The following COL13A1 variants were observed in gnomAD, a reference collection of about 807,000 sequenced individuals.
COL13A1 encodes the protein collagen type XIII alpha 1 chain.
Under a neutral mutation model 130.9 loss-of-function variants are expected in COL13A1, and 89 were observed. That is an observed-to-expected ratio of 0.68 (90% confidence interval 0.57 to 0.81). The LOEUF (loss-of-function observed/expected upper bound fraction) is 0.81, where lower values mean the gene tolerates loss of function less well. Ranked by LOEUF, COL13A1 falls within the 30% of genes least tolerant of loss-of-function variation. The pLI is 0.00. For synonymous variants in COL13A1, 402 were observed against 341.6 expected, an observed-to-expected ratio of 1.18 and a Z score of -1.95; for missense variants, 879 against 934.6, an observed-to-expected ratio of 0.94 and a Z score of 0.78.
intron 2 of COL13A1, among the ~76,000 whole-genome samples, chr10:69,824,848 C>A (rs375570163): frequency 2.0e-5 from 3 of 152,186 alleles, no homozygotes; most frequent in African/African-American, 7.2e-5. Flanking sequence ...GAGAAGGCCC[C>A]AAACTCAGGC....
chr10:69,922,639 G>T, intron 22 of COL13A1, 69 bp from the exon 23 acceptor site: 23 of 1,167,146 alleles, frequency 2.0e-5, no homozygotes, highest in Non-Finnish European at 2.8e-5. Context: ...ACACCCCATA[G>T]TGTCCCTCCA....
At chr10:69,820,495 C>T (rs546628143) in intron 1 of COL13A1, among the ~76,000 whole-genome samples, 2 of 152,338 alleles carry the variant, frequency 1.3e-5, no homozygotes, top group African/African-American at 2.4e-5. Flanking sequence ...GAGGCAGGTT[C>T]GTACAGTCCC....
At chr10:69,905,667 A>G in intron 16 of COL13A1, 120 bp from the exon 17 acceptor site, 1 of 1,086,624 alleles carries the variant, frequency 9.2e-7, no homozygotes, top group Non-Finnish European at 1.4e-6. Flanking sequence ...ATGGGTGTTG[A>G]AGGGGCAGTG....
intron 6 of COL13A1, among the ~76,000 whole-genome samples, chr10:69,878,877 T>C (rs1360999238): frequency 6.6e-6 from 1 of 152,238 alleles, no homozygotes; most frequent in African/African-American, 2.4e-5. Context: ...ACAGCAATAG[T>C]GATGAGCAGG....
intron 17 of COL13A1, among the ~76,000 whole-genome samples, chr10:69,912,835 C>T (rs2063527812): frequency 6.6e-6 from 1 of 152,190 alleles, no homozygotes; most frequent in African/African-American, 2.4e-5. Context: ...AGTAAATCGC[C>T]AATTAAGAGG....
At chr10:69,829,043 G>A (rs888949099) in intron 2 of COL13A1, among the ~76,000 whole-genome samples, 3 of 152,010 alleles carry the variant, frequency 2.0e-5, no homozygotes, top group African/African-American at 4.8e-5. Context: ...ATCCTCAAAC[G>A]GCACACAATG....
At chr10:69,943,418 G>A (rs892720434) in intron 35 of COL13A1, among the ~76,000 whole-genome samples, 2 of 152,230 alleles carry the variant, frequency 1.3e-5, no homozygotes, top group Non-Finnish European at 2.9e-5. Context: ...GGAAGATGTT[G>A]GAGGAGGCCA....
rs765091153 is a variant in COL13A1 at position 69,802,618 on chromosome 10, G to A, written c.195G>A (p.Thr65=). The A allele has an allele frequency of 6.2e-7, 1 of 1,613,146 alleles. No individual in the cohort carries two copies. The highest frequency in any genetic ancestry group is 2.2e-5 in the East Asian group (1 of 44,850). ...TCAGCCTGCTCGCCCACTTTCGGACGGCCGAGCTGCAGGCCCGGGTGCTGC... is the reference window on the plus strand; with the variant it reads ...TCAGCCTGCTCGCCCACTTTCGGACAGCCGAGCTGCAGGCCCGGGTGCTGC... ...LALSLLAHFR[T]AELQARVLRL... is the part of the protein sequence containing the mutation. Residue 65 remains threonine (T), a synonymous_variant, in exon 1 of 41, where the codon ACG becomes ACA. Transcript: ENST00000645393.
Position 69,930,187 on chromosome 10 carries a change from C to T in COL13A1, c.1530+100C>T, listed in dbSNP as rs151203234. On this transcript the variant is annotated intron_variant, in intron 29 of 40. Transcript: ENST00000645393. Reference sequence around the variant, plus strand: ...CTCTAGAATTGGCCCTGGTGTGAGCCCAGTGGGCAAGGGAAGGGGAGATGG... The same window carrying T: ...CTCTAGAATTGGCCCTGGTGTGAGCTCAGTGGGCAAGGGAAGGGGAGATGG... 2.0e-4 allele frequency: 257 copies of T among 1,306,164 alleles called. 3 individuals are homozygous for T. The East Asian group carries it at 6.2e-3, about 32-fold the overall frequency. The allele number at this position is 1,306,164 out of a possible 1,614,324, so 80.9% of individuals were successfully genotyped here.
At position 69,937,647 on chromosome 10, in the gene COL13A1, CT is replaced by C; in HGVS notation, c.1811del (p.Leu604GlnfsTer61). 1 of 1,542,468 alleles carries C rather than the reference CT, an allele frequency of 6.5e-7. No individual in the cohort carries two copies. Among genetic ancestry groups the C allele is most frequent in the Non-Finnish European group, 9.0e-7 (1 of 1,114,810 alleles). On this transcript the variant is annotated frameshift_variant, in exon 34 of 41. Transcript: ENST00000645393. LOFTEE classifies it high-confidence loss of function. The stretch of plus-strand genomic sequence containing the variant: ...CCCTTTCCTCCAGGGGGAAGCAGGA[CT>C]AGATGGAGCAAAAGGAGAGAAAGGC... Reference protein sequence around the residue: ...GVPGPKGEAGLDGAKGEKGFQ... With the variant: ...GVPGPKGEAGXDGAKGEKGFQ...
rs530072345 is a variant in COL13A1 at position 69,813,842 on chromosome 10, C to A, written c.295-8527C>A. Among the ~76,000 whole-genome samples the A allele has an allele frequency of 1.8e-4, 27 of 152,312 alleles. No individual in the cohort carries two copies. The South Asian group carries it at 3.5e-3, about 20-fold the overall frequency. On this transcript the variant is annotated intron_variant, in intron 1 of 40. Coordinates refer to ENST00000645393, the MANE Select transcript of COL13A1 (RefSeq NM_001368882.1). Reference sequence around the variant, plus strand: ...CTCCTGCAGTCCCTGGGATGTAGCCCATGGGGCCAGCACTGAGCAGCCAGG... The same window carrying A: ...CTCCTGCAGTCCCTGGGATGTAGCCAATGGGGCCAGCACTGAGCAGCCAGG...
intron 17 of COL13A1, among the ~76,000 whole-genome samples, chr10:69,914,936 A>G (rs915597576): frequency 2.6e-5 from 4 of 152,218 alleles, no homozygotes; most frequent in Admixed American, 2.0e-4. Context: ...ATGATGGGCC[A>G]CAGACCTAAG....
In COL13A1 at chr10:69,922,779, GC is replaced by G; in HGVS notation, c.1220del (p.Pro407GlnfsTer67). On this transcript the variant is annotated frameshift_variant, in exon 23 of 41. Coordinates refer to ENST00000645393, the MANE Select transcript of COL13A1 (RefSeq NM_001368882.1). LOFTEE classifies it high-confidence loss of function. ...AACCTGGCCCTCCAGGGCTCCCTGG[GC>G]CCCCAGGGCCAAAGGTGAGTGTTCC... ...GEPGPPGLPG[P>X]PGPKGEAGVD... The G allele has an allele frequency of 6.3e-7, 1 of 1,590,782 alleles. No homozygotes were observed. The highest frequency in any genetic ancestry group is 1.2e-5 in the South Asian group (1 of 86,650).
chr10:69,894,710 A>G lies in COL13A1; in HGVS notation c.657+9A>G. On this transcript the variant is annotated intron_variant, in intron 12 of 40. Transcript: ENST00000645393. ...GACAAAAAGGAGAAAAGGTAAGAGC[A>G]GTGGAGGTTTCCTAGAGTCTCCATC... 1 of 1,614,046 alleles carries G rather than the reference A, an allele frequency of 6.2e-7. No individual in the cohort carries two copies. Among genetic ancestry groups the G allele is most frequent in the South Asian group, 1.1e-5 (1 of 91,086 alleles).
At chr10:69,833,825 C>T (rs531841197) in intron 2 of COL13A1, among the ~76,000 whole-genome samples, 8 of 152,166 alleles carry the variant, frequency 5.3e-5, no homozygotes, top group South Asian at 2.1e-4. Context: ...TAAGCTCCTG[C>T]GGAGGGATGG....
chr10:69,822,653 G>A (rs1468941801), intron 2 of COL13A1, among the ~76,000 whole-genome samples: 1 of 152,190 alleles, frequency 6.6e-6, no homozygotes, highest in East Asian at 1.9e-4. Flanking sequence ...TGTTCATAGA[G>A]TATTTTATGG....
intron 2 of COL13A1, among the ~76,000 whole-genome samples, chr10:69,857,688 C>T (rs1166472360): frequency 2.0e-5 from 3 of 151,566 alleles, no homozygotes; most frequent in East Asian, 3.9e-4. Context: ...GGGACTGCTG[C>T]CCTAGAATCA....
chr10:69,864,984 C>T (rs1479619295), intron 2 of COL13A1, among the ~76,000 whole-genome samples: 2 of 152,230 alleles, frequency 1.3e-5, no homozygotes, highest in African/African-American at 4.8e-5. Context: ...CCTGAGGAAG[C>T]AGCAGGTGCA....
rs1840118232 is a variant in COL13A1 at position 69,801,910 on chromosome 10, GATC to G, written c.-513_-511del. ...GGGAAGTAGCACGGATTGCTCATCC[GATC>G]CGTGCCGCCGCAGGGAGTGTGTCAA... On this transcript the variant is annotated 5_prime_UTR_variant, in exon 1 of 41. Coordinates refer to ENST00000645393, the MANE Select transcript of COL13A1 (RefSeq NM_001368882.1). 1 of 153,134 alleles carries G rather than the reference GATC, an allele frequency of 6.5e-6. No individual in the cohort carries two copies. Among genetic ancestry groups the G allele is most frequent in the Admixed American group, 6.5e-5 (1 of 15,300 alleles). 9.5% of individuals were successfully genotyped at this position (153,134 alleles called of 1,614,324 possible). A position where few individuals can be genotyped will look rare whatever the true frequency, so the allele number is the denominator to read the frequency against.
Sources: gnomAD v4.1 joint callset for allele counts (sites outside exome capture counted in the v4.1 genomes callset) on GRCh38, gnomAD v4.1.1 for gene constraint, MANE v1.5 for transcripts, NCBI Gene and HGNC (gene_info 2026-07-23, HGNC 2026-07-21) for gene names.